Variants in MLXIP observed in about 807,000 individuals in gnomAD.
The protein encoded by MLXIP is MLX-interacting protein.
Under a neutral mutation model 87.2 loss-of-function variants are expected in MLXIP, and 30 were observed. The observed-to-expected ratio is 0.34, with a 90% CI of 0.26 to 0.47. The LOEUF (loss-of-function observed/expected upper bound fraction) is 0.47. Among genes scored for constraint, MLXIP ranks in the 20% least tolerant of loss-of-function variants. MLXIP has a pLI of 1.00. For synonymous variants in MLXIP, 530 were observed against 514.0 expected (o/e 1.03, Z -0.42); for missense variants, 1,002 against 1,240.1 (o/e 0.81, Z 2.88).
intron 1 of MLXIP, among the ~76,000 whole-genome samples, chr12:122,117,268 C>T (rs145423418): frequency 1.4e-4 from 21 of 152,338 alleles, no homozygotes; most frequent in Non-Finnish European, 2.8e-4. Context: ...GGACCTGAAA[C>T]CCCCTGGGGT....
In MLXIP at chr12:122,079,284, C is replaced by T. The variant is rs1439619085; in HGVS notation, c.413+18C>T. On this transcript the variant is annotated intron_variant, in intron 1 of 16. Transcript: ENST00000319080. ...GCCTACAGGTAGGGACCCCCGCGAC[C>T]CCCTGAGGCCCCGGCCGGAGGCCCT... 2.6e-5 allele frequency: 40 copies of T among 1,543,944 alleles called. No individual in the cohort carries two copies. Among genetic ancestry groups the T allele is most frequent in the Admixed American group, 1.2e-4 (6 of 50,046 alleles).
chr12:122,083,283 G>A (rs1952117895), intron 1 of MLXIP, among the ~76,000 whole-genome samples: 2 of 152,148 alleles, frequency 1.3e-5, no homozygotes, highest in African/African-American at 4.8e-5. Context: ...GAGATAAGCA[G>A]TTTCTGGAAA....
intron 1 of MLXIP, among the ~76,000 whole-genome samples, chr12:122,110,934 G>A (rs1032874567): frequency 1.3e-5 from 2 of 151,822 alleles, no homozygotes; most frequent in African/African-American, 2.4e-5. Flanking sequence ...AAAATTAGCC[G>A]GGCGTGGTGG....
chr12:122,134,072 C>G lies in MLXIP; in HGVS notation c.1732+85C>G. The G allele has an allele frequency of 2.8e-6, 4 of 1,414,478 alleles. 1 individual carries two copies. In the South Asian group the frequency reaches 5.7e-5, roughly 20 times the overall value. The allele number at this position is 1,414,478 out of a possible 1,614,324, so 87.6% of individuals were successfully genotyped here. On this transcript the variant is annotated intron_variant, in intron 9 of 16. Coordinates refer to ENST00000319080, the MANE Select transcript of MLXIP (RefSeq NM_014938.6). ...ATCCCAAAGGCTTTCAAACTTGTGACCACCACCACCACCCTGGTGTGCACG... is the reference window on the plus strand; with the variant it reads ...ATCCCAAAGGCTTTCAAACTTGTGAGCACCACCACCACCCTGGTGTGCACG...
intron 1 of MLXIP, among the ~76,000 whole-genome samples, chr12:122,097,860 A>G (rs1471718308): frequency 6.7e-6 from 1 of 150,248 alleles, no homozygotes; most frequent in Non-Finnish European, 1.5e-5. Context: ...CCTCCCCACA[A>G]GAAACCTTGG....
intron 1 of MLXIP, among the ~76,000 whole-genome samples, chr12:122,083,785 A>G (rs1397519640): frequency 6.6e-6 from 1 of 152,222 alleles, no homozygotes; most frequent in Non-Finnish European, 1.5e-5. Flanking sequence ...AGGTTAGAGC[A>G]CTGTGTCCTC....
chr12:122,115,458 G>A (rs986581177), intron 1 of MLXIP, among the ~76,000 whole-genome samples: 1 of 151,606 alleles, frequency 6.6e-6, no homozygotes, highest in African/African-American at 2.4e-5. Context: ...GCATGGTAGC[G>A]GGCACCTGTC....
chr12:122,095,185 G>A (rs915419982), intron 1 of MLXIP, among the ~76,000 whole-genome samples: 11 of 146,438 alleles, frequency 7.5e-5, no homozygotes, highest in Non-Finnish European at 6.0e-5. Flanking sequence ...CGGTGTGGTG[G>A]TGTGTGTGGT....
chr12:122,107,990 G>C (rs1315433673), intron 1 of MLXIP, among the ~76,000 whole-genome samples: 3 of 152,172 alleles, frequency 2.0e-5, no homozygotes, highest in Non-Finnish European at 4.4e-5. Flanking sequence ...AGCTGACCCT[G>C]ATTGGAAGGT....
chr12:122,088,002 T>C (rs1174296715), intron 1 of MLXIP, among the ~76,000 whole-genome samples: 1 of 152,084 alleles, frequency 6.6e-6, no homozygotes, highest in East Asian at 1.9e-4. Flanking sequence ...GAAGCTGGGG[T>C]ATGTCACGCT....
rs926162287 is a variant in MLXIP, at chr12:122,146,983, C to G, written c.*5171C>G. 1 of 152,226 alleles carries G rather than the reference C, an allele frequency of 6.6e-6. No homozygotes were observed. The highest frequency in any genetic ancestry group is 1.5e-5 in the Non-Finnish European group (1 of 68,046). 9.4% of individuals were successfully genotyped at this position (152,226 alleles called of 1,614,324 possible). A position where few individuals can be genotyped will look rare whatever the true frequency, so the allele number is the denominator to read the frequency against. On this transcript the variant is annotated 3_prime_UTR_variant, in exon 17 of 17. Transcript: ENST00000319080. ...CCCTTTTCTCTAGCCGAATCTTTTT[C>G]GAACAGCCCGGGAAAGGAAAACGGA...
At chr12:122,113,176 C>T (rs1952630612) in intron 1 of MLXIP, among the ~76,000 whole-genome samples, 1 of 152,162 alleles carries the variant, frequency 6.6e-6, no homozygotes, top group Non-Finnish European at 1.5e-5. Context: ...ATGTCTGTGA[C>T]ATATAAGTGA....
At position 122,143,030 on chromosome 12, in the gene MLXIP, T is replaced by TCTGCAGGGAG. The variant is rs1244145506; in HGVS notation, c.*1227_*1236dup. On this transcript the variant is annotated 3_prime_UTR_variant, in exon 17 of 17. Transcript: ENST00000319080. ...CAGTCCTTGCTCTTCTCTGGCTACC[T>TCTGCAGGGAG]CTGCAGGGAGCTGCAGGGGCAAGCA... is the stretch of plus-strand genomic sequence containing the variant. 3 of 152,614 alleles carry TCTGCAGGGAG rather than the reference T, an allele frequency of 2.0e-5. No homozygotes were observed. Among genetic ancestry groups the TCTGCAGGGAG allele is most frequent in the Non-Finnish European group, 4.4e-5 (3 of 68,338 alleles). The allele number at this position is 152,614 out of a possible 1,614,324, so 9.5% of individuals were successfully genotyped here. A position where few individuals can be genotyped will look rare whatever the true frequency, so the allele number is the denominator to read the frequency against.
intron 6 of MLXIP, 26 bp downstream of exon 6, chr12:122,130,138 T>C: frequency 6.2e-7 from 1 of 1,600,976 alleles, no homozygotes; most frequent in Non-Finnish European, 8.5e-7. Context: ...GCCTTGGGCT[T>C]TGAACAGCCA....
Position 122,123,480 on chromosome 12 carries a change from C to T in MLXIP, c.414-3776C>T, listed in dbSNP as rs529149251. On this transcript the variant is annotated intron_variant, in intron 1 of 16. Coordinates refer to ENST00000319080, the MANE Select transcript of MLXIP (RefSeq NM_014938.6). ...GCTGCTGAAGTCTGACTGTGTTTGA[C>T]GTAAACACCCAAAGAAAAGGGAAAC... is the stretch of plus-strand genomic sequence containing the variant. 7.9e-5 allele frequency among the ~76,000 whole-genome samples: 12 copies of T among 152,202 alleles called. No homozygotes were observed. In the East Asian group the frequency reaches 2.1e-3, roughly 27 times the overall value.
In MLXIP at chr12:122,138,852, G is replaced by A. The variant is rs778876327; in HGVS notation, c.2422G>A (p.Val808Ile). The A allele has an allele frequency of 3.0e-5, 48 of 1,613,874 alleles. No homozygotes were observed. Among genetic ancestry groups the A allele is most frequent in the Non-Finnish European group, 3.5e-5 (41 of 1,179,892 alleles). ...QQLLPATGVPVTRRQFDHMKD... is the reference protein window; with the variant it reads ...QQLLPATGVPITRRQFDHMKD... ...GCTGCTCCCTGCCACGGGAGTCCCC[G>A]TTACCCGGCGCCAGTTTGATCACAT... Residue 808 changes from valine to isoleucine, a missense_variant, in exon 15 of 17, where the codon GTT becomes ATT. Physicochemically the swap from Val to Ile is conservative, Grantham distance 29 (BLOSUM62 3). Transcript: ENST00000319080.
chr12:122,131,955 C>T (rs1260464509), intron 7 of MLXIP, among the ~76,000 whole-genome samples: 8 of 121,744 alleles, frequency 6.6e-5, no homozygotes, highest in Admixed American at 2.1e-4. Flanking sequence ...ACGGGAATCT[C>T]GCTCTGTCAT....
intron 11 of MLXIP, chr12:122,136,847 G>T (rs1276225325): frequency 1.3e-5 from 2 of 152,244 alleles, no homozygotes; most frequent in African/African-American, 4.8e-5. Context: ...AATCGAGGGA[G>T]AGGTTAGGGC....
At chr12:122,085,203 A>G (rs185166747) in intron 1 of MLXIP, among the ~76,000 whole-genome samples, 1 of 152,136 alleles carries the variant, frequency 6.6e-6, no homozygotes, top group African/African-American at 2.4e-5. Flanking sequence ...GTGCATGAAC[A>G]TCGCATCCCC....
Sources: allele counts gnomAD v4.1 joint callset (sites outside exome capture counted in the v4.1 genomes callset), GRCh38; gene constraint gnomAD v4.1.1; transcripts MANE v1.5; gene names NCBI Gene and HGNC (gene_info 2026-07-23, HGNC 2026-07-21).